LGALS8: variants seen among roughly 807,000 people sequenced by gnomAD.
LGALS8 encodes galectin-8.
A neutral mutation model predicts 35.9 loss-of-function variants in LGALS8; 30 were observed. The ratio of observed to expected loss-of-function variants is 0.83; its 90% CI spans 0.62 to 1.13. The LOEUF (loss-of-function observed/expected upper bound fraction) is 1.13. LGALS8 is among the 50% of genes most tolerant of loss of function. The pLI is 0.00. For missense variants in LGALS8, 366 were observed against 388.7 expected, an observed-to-expected ratio of 0.94 and a Z score of 0.49; for synonymous variants, 138 against 136.1, an observed-to-expected ratio of 1.01 and a Z score of -0.10.
chr1:236,534,602 G>C (rs1292020658), intron 2 of LGALS8, among the ~76,000 whole-genome samples: 1 of 143,072 alleles, frequency 7.0e-6, no homozygotes, highest in Non-Finnish European at 1.5e-5. Flanking sequence ...GTGTCTCATA[G>C]TTAAAAAAAA....
In LGALS8 at chr1:236,544,878, T is replaced by A; in HGVS notation, c.767T>A (p.Ile256Asn). Residue 256 changes from isoleucine to asparagine, a missense_variant, in exon 9 of 10, where the codon ATT becomes AAT. Coordinates refer to ENST00000366584, the MANE Select transcript of LGALS8 (RefSeq NM_201544.4). ...TCCTGGGGAGAAGAAGAGAGAAATA[T>A]TACCTCTTTCCCATTTAGTCCTGGG... Reference protein sequence around the residue: ...QESWGEEERNITSFPFSPGMY... With the variant: ...QESWGEEERNNTSFPFSPGMY... 6.2e-7 allele frequency: 1 copy of A among 1,613,532 alleles called. No individual in the cohort carries two copies. The highest frequency in any genetic ancestry group is 8.5e-7 in the Non-Finnish European group (1 of 1,179,730).
Position 236,537,481 on chromosome 1 carries a change from A to G in LGALS8, c.46-16A>G, listed in dbSNP as rs1181070950. 6.6e-7 allele frequency: 1 copy of G among 1,510,740 alleles called. No individual in the cohort carries two copies. Among genetic ancestry groups the G allele is most frequent in the East Asian group, 2.2e-5 (1 of 44,574 alleles). 93.6% of individuals were successfully genotyped at this position (1,510,740 alleles called of 1,614,324 possible). A position where few individuals can be genotyped will look rare whatever the true frequency, so the allele number is the denominator to read the frequency against. On this transcript the variant is annotated splice_polypyrimidine_tract_variant and intron_variant, in intron 2 of 9. Coordinates refer to ENST00000366584, the MANE Select transcript of LGALS8 (RefSeq NM_201544.4). ...TTGTTTATGTAAACGTACATTTGTT[A>G]AATTTTTTTTCTTAGGTAATCCCGT...
intron 9 of LGALS8, 141 bp from the exon 10 acceptor site, chr1:236,547,871 A>AAGTC: frequency 1.7e-6 from 1 of 605,544 alleles, no homozygotes; most frequent in Non-Finnish European, 2.8e-6. Context: ...AGGGTCTTGG[A>AAGTC]AGTCAGAAGG....
At chr1:236,533,163 A>C (rs1319376209) in intron 2 of LGALS8, among the ~76,000 whole-genome samples, 1 of 152,140 alleles carries the variant, frequency 6.6e-6, no homozygotes, top group Non-Finnish European at 1.5e-5. Context: ...CTGCGTGCTG[A>C]GAGAAGATGG....
At chr1:236,537,935 A>G (rs867576911) in intron 3 of LGALS8, among the ~76,000 whole-genome samples, 6 of 26,892 alleles carry the variant, frequency 2.2e-4, no homozygotes, top group Non-Finnish European at 5.7e-4. Context: ...CCCCATCTGT[A>G]AAAAAAAAAA....
chr1:236,545,096 C>A (rs931560710), intron 9 of LGALS8, 181 bp downstream of exon 9: 7 of 479,150 alleles, frequency 1.5e-5, no homozygotes, highest in Middle Eastern at 5.3e-4. Context: ...AATGGCAAAG[C>A]CAGTAGAGTG....
intron 2 of LGALS8, among the ~76,000 whole-genome samples, chr1:236,531,647 T>G (rs1452807206): frequency 6.6e-6 from 1 of 151,692 alleles, no homozygotes; most frequent in Non-Finnish European, 1.5e-5. Context: ...CTTTATTTGC[T>G]TGGATCCTTC....
At position 236,549,230 on chromosome 1, in the gene LGALS8, CTTTACGTGA is replaced by C. The variant is rs146958905; in HGVS notation, c.*1072_*1080del. On this transcript the variant is annotated 3_prime_UTR_variant, in exon 10 of 10. Transcript: ENST00000366584. ...CAACTGAGATCAAAGCACTCTTCCA[CTTTACGTGA>C]TTAAAATCAAACCTGTATCAGCAAG... is the stretch of plus-strand genomic sequence containing the variant. 912 of 371,218 alleles carry C rather than the reference CTTTACGTGA, an allele frequency of 2.5e-3. 3 individuals carry two copies. The highest frequency in any genetic ancestry group is 0.016 in the African/African-American group (751 of 48,226). 23.0% of individuals were successfully genotyped at this position (371,218 alleles called of 1,614,324 possible). A position where few individuals can be genotyped will look rare whatever the true frequency, so the allele number is the denominator to read the frequency against.
At position 236,542,547 on chromosome 1, in the gene LGALS8, A is replaced by C; in HGVS notation, c.523-214A>C. On this transcript the variant is annotated intron_variant, in intron 6 of 9. Transcript: ENST00000366584. ...TGGTGGAGGATAAAGGACTCAGATG[A>C]ACAGGGATATCAGACTCTCTTCTCA... The C allele has an allele frequency of 1.3e-5, 8 of 601,060 alleles. No individual in the cohort carries two copies. The South Asian group carries it at 1.6e-4, about 12-fold the overall frequency. The allele number at this position is 601,060 out of a possible 1,614,324, so 37.2% of individuals were successfully genotyped here. A position where few individuals can be genotyped will look rare whatever the true frequency, so the allele number is the denominator to read the frequency against.
At chr1:236,542,678 A>C (rs1021964019) in intron 6 of LGALS8, 83 bp from the exon 7 acceptor site, 6 of 1,461,128 alleles carry the variant, frequency 4.1e-6, no homozygotes, top group Non-Finnish European at 5.8e-6. Context: ...GGCCAGGCTC[A>C]GCTCAGCACA....
chr1:236,528,394 A>ATC (rs78867830), intron 2 of LGALS8, among the ~76,000 whole-genome samples: 1 of 145,806 alleles, frequency 6.9e-6, no homozygotes. Context: ...AAAAAAAAAA[A>ATC]CCCCCCCACA....
intron 5 of LGALS8, chr1:236,541,363 C>G: frequency 3.6e-6 from 1 of 274,146 alleles, no homozygotes. Context: ...ACATGACTGT[C>G]TTTGCATTGA....
chr1:236,540,854 C>T (rs1446939617), intron 5 of LGALS8, among the ~76,000 whole-genome samples, 171 bp downstream of exon 5: 3 of 152,168 alleles, frequency 2.0e-5, no homozygotes, highest in Non-Finnish European at 4.4e-5. Context: ...TGTTTATCAG[C>T]CAGGGCTTCA....
chr1:236,542,985 CTG>C, intron 7 of LGALS8, 198 bp downstream of exon 7: 1 of 1,614,196 alleles, frequency 6.2e-7, no homozygotes. Context: ...AAAGATTCGA[CTG>C]TCAATCACAC....
intron 2 of LGALS8, among the ~76,000 whole-genome samples, chr1:236,534,314 A>G (rs1661332191): frequency 6.6e-6 from 1 of 152,216 alleles, no homozygotes; most frequent in Non-Finnish European, 1.5e-5. Flanking sequence ...TTCAAGCTGC[A>G]GTCTGCCTAA....
chr1:236,540,531 G>GA, intron 4 of LGALS8, 33 bp from the exon 5 acceptor site: 1 of 1,439,726 alleles, frequency 6.9e-7, no homozygotes, highest in African/African-American at 1.7e-5. Context: ...TTTTTTGGTG[G>GA]CGGGGGGGGC....
intron 4 of LGALS8, among the ~76,000 whole-genome samples, chr1:236,539,736 C>A (rs1173403357): frequency 1.3e-5 from 2 of 152,246 alleles, no homozygotes; most frequent in East Asian, 3.8e-4. Context: ...CTTCGGGATA[C>A]TGCTCCTGCC....
intron 8 of LGALS8, among the ~76,000 whole-genome samples, chr1:236,544,031 G>A (rs1176375642): frequency 6.6e-6 from 1 of 151,632 alleles, no homozygotes; most frequent in African/African-American, 2.4e-5. Context: ...CACAACCTCC[G>A]CTTCCTGGGT....
chr1:236,530,057 A>T (rs545391787), intron 2 of LGALS8, among the ~76,000 whole-genome samples: 42 of 152,352 alleles, frequency 2.8e-4, no homozygotes, highest in African/African-American at 9.6e-4. Context: ...GCAGTTCATT[A>T]TCTACCTATA....
Sources: gnomAD v4.1 joint callset for allele counts (sites outside exome capture counted in the v4.1 genomes callset) on GRCh38, gnomAD v4.1.1 for gene constraint, MANE v1.5 for transcripts, NCBI Gene and HGNC (gene_info 2026-07-23, HGNC 2026-07-21) for gene names.